The following DLGAP2 variants were observed in gnomAD, a reference collection of about 807,000 sequenced individuals.
DLGAP2 encodes the protein disks large-associated protein 2.
In DLGAP2, 26 loss-of-function variants were observed where a neutral mutation model predicts 100.3. That is an observed-to-expected ratio of 0.26 (90% CI 0.19 to 0.36). The LOEUF is 0.36. Ranked by LOEUF, DLGAP2 falls within the 10% of genes least tolerant of loss-of-function variation. DLGAP2 has a pLI of 1.00. For missense variants in DLGAP2, 1,858 were observed against 1,453.2 expected (o/e 1.28, Z -4.53); for synonymous variants, 886 against 630.1 (o/e 1.41, Z -6.08).
rs114859460 is a variant in DLGAP2 at position 1,141,973 on chromosome 8, G to A, written c.74-116878G>A. On this transcript the variant is annotated intron_variant, in intron 2 of 14. Coordinates refer to ENST00000637795, the MANE Select transcript of DLGAP2 (RefSeq NM_001346810.2). Reference sequence around the variant, plus strand: ...TATGGAAAAATTTGCAAATAAGTAAGCTTATTTTTTGTTTAAGAATGACTT... The same window carrying A: ...TATGGAAAAATTTGCAAATAAGTAAACTTATTTTTTGTTTAAGAATGACTT... 4.1e-3 allele frequency among the ~76,000 whole-genome samples: 628 copies of A among 152,094 alleles called. 1 individual carries two copies. Among genetic ancestry groups the A allele is most frequent in the African/African-American group, 0.015 (607 of 41,516 alleles).
intron 3 of DLGAP2, among the ~76,000 whole-genome samples, chr8:1,371,487 A>G (rs12545340): frequency 0.62 from 94,516 of 152,128 alleles, 29,807 homozygotes; most frequent in East Asian, 0.93. Context: ...GTTGCTGCCC[A>G]GTCACTGCAG....
intron 2 of DLGAP2, among the ~76,000 whole-genome samples, chr8:1,023,693 T>G (rs1022506491): frequency 6.6e-5 from 10 of 152,040 alleles, no homozygotes; most frequent in Admixed American, 3.3e-4. Context: ...ACCAGCACCT[T>G]TTCCCCATCG....
intron 1 of DLGAP2, among the ~76,000 whole-genome samples, chr8:847,418 C>CT (rs1007022729): frequency 2.0e-5 from 3 of 152,076 alleles, no homozygotes; most frequent in South Asian, 2.1e-4. Flanking sequence ...ATATTTTACA[C>CT]TTTTTTTCCC....
At chr8:1,145,899 T>C (rs938280041) in intron 2 of DLGAP2, among the ~76,000 whole-genome samples, 7 of 151,502 alleles carry the variant, frequency 4.6e-5, no homozygotes, top group Non-Finnish European at 8.8e-5. Flanking sequence ...TTACTGAGAA[T>C]GATGATTTCC....
At chr8:988,534 G>A (rs775888225) in intron 2 of DLGAP2, among the ~76,000 whole-genome samples, 1 of 152,124 alleles carries the variant, frequency 6.6e-6, no homozygotes, top group Non-Finnish European at 1.5e-5. Context: ...AAACCCTCCC[G>A]GCTCGGCCTC....
intron 2 of DLGAP2, chr8:927,222 A>C (rs1050089316): frequency 2.0e-6 from 2 of 985,354 alleles, no homozygotes; most frequent in Admixed American, 1.2e-4. Flanking sequence ...TTTATAGAAC[A>C]TGATCCATTA....
intron 2 of DLGAP2, among the ~76,000 whole-genome samples, chr8:944,084 T>C (rs1799257622): frequency 6.6e-6 from 1 of 152,268 alleles, no homozygotes; most frequent in South Asian, 2.1e-4. Flanking sequence ...TATTGTATAA[T>C]TTGCCCAAAT....
At chr8:1,293,630 C>A (rs1035914578) in intron 3 of DLGAP2, among the ~76,000 whole-genome samples, 12 of 151,788 alleles carry the variant, frequency 7.9e-5, no homozygotes, top group African/African-American at 2.9e-4. Flanking sequence ...CCAATTTGAA[C>A]AGAAAAAAAA....
chr8:966,914 G>A (rs1799885797), intron 2 of DLGAP2, among the ~76,000 whole-genome samples: 2 of 152,146 alleles, frequency 1.3e-5, no homozygotes, highest in African/African-American at 2.4e-5. Context: ...GTGCTTCACT[G>A]TGCCTTTTGT....
chr8:1,415,487 G>A (rs1796857231), intron 3 of DLGAP2, among the ~76,000 whole-genome samples: 1 of 151,924 alleles, frequency 6.6e-6, no homozygotes, highest in Non-Finnish European at 1.5e-5. Flanking sequence ...TAGTAGCCCT[G>A]GTGTCTGCTG....
intron 2 of DLGAP2, among the ~76,000 whole-genome samples, chr8:1,187,523 G>A (rs1377072834): frequency 1.4e-5 from 2 of 138,866 alleles, no homozygotes; most frequent in Non-Finnish European, 3.0e-5. Context: ...TTTGCTTCAC[G>A]GAATCTCACA....
At chr8:835,130 T>C (rs1467698573) in intron 1 of DLGAP2, among the ~76,000 whole-genome samples, 1 of 152,220 alleles carries the variant, frequency 6.6e-6, no homozygotes, top group Non-Finnish European at 1.5e-5. Context: ...GCTGCTTTCA[T>C]ATGGATGGAG....
At chr8:1,501,988 C>T (rs922715249) in intron 4 of DLGAP2, among the ~76,000 whole-genome samples, 1 of 152,214 alleles carries the variant, frequency 6.6e-6, no homozygotes, top group African/African-American at 2.4e-5. Flanking sequence ...CCATATTTGC[C>T]ATCAGTCTTT....
chr8:1,288,046 G>A (rs1799980417), intron 3 of DLGAP2, among the ~76,000 whole-genome samples: 1 of 145,560 alleles, frequency 6.9e-6, no homozygotes, highest in Non-Finnish European at 1.5e-5. Context: ...GTGTGTGTGT[G>A]TGTGTATGGT....
In DLGAP2 at chr8:761,781, G is replaced by C. The variant is rs188937914; in HGVS notation, c.18+23956G>C. 3.9e-3 allele frequency among the ~76,000 whole-genome samples: 593 copies of C among 152,260 alleles called. 7 individuals carry two copies. The highest frequency in any genetic ancestry group is 2.8e-3 in the Non-Finnish European group (189 of 68,024). On this transcript the variant is annotated intron_variant, in intron 1 of 14. Coordinates refer to ENST00000637795, the MANE Select transcript of DLGAP2 (RefSeq NM_001346810.2). ...AGTGCCTGAGGAAGAGCCTGAGGTC[G>C]CGCTGTCCTCACCCCTCTGTCCCGG... is the stretch of plus-strand genomic sequence containing the variant.
chr8:1,528,477 C>T (rs763395083), intron 4 of DLGAP2, among the ~76,000 whole-genome samples: 10 of 152,206 alleles, frequency 6.6e-5, no homozygotes, highest in South Asian at 2.1e-4. Context: ...TCTCAAAGGG[C>T]GGTGCCTCCA....
intron 8 of DLGAP2, among the ~76,000 whole-genome samples, chr8:1,663,623 C>A (rs1309821933): frequency 1.3e-5 from 2 of 152,138 alleles, no homozygotes. Context: ...GCCCCCCTTT[C>A]CCTTGCGCCC....
intron 3 of DLGAP2, among the ~76,000 whole-genome samples, chr8:1,339,722 G>C (rs997686765): frequency 6.6e-6 from 1 of 152,206 alleles, no homozygotes; most frequent in African/African-American, 2.4e-5. Context: ...TCTCACCCGG[G>C]CGCATCAGGG....
intron 3 of DLGAP2, among the ~76,000 whole-genome samples, chr8:1,472,139 C>A (rs77774980): frequency 3.3e-3 from 500 of 152,316 alleles, no homozygotes; most frequent in East Asian, 0.029. Flanking sequence ...GAACGCAGAG[C>A]AGGACATGCA....
Sources: gnomAD v4.1 joint callset for allele counts (sites outside exome capture counted in the v4.1 genomes callset) on GRCh38, gnomAD v4.1.1 for gene constraint, MANE v1.5 for transcripts, NCBI Gene and HGNC (gene_info 2026-07-23, HGNC 2026-07-21) for gene names.